The following DLG1 variants were observed in gnomAD, a reference collection of about 807,000 sequenced individuals.
DLG1 encodes the protein discs large MAGUK scaffold protein 1, also known as disks large homolog 1.
DLG1 carries 42 observed loss-of-function variants against 123.4 expected under a neutral mutation model. That is an observed-to-expected ratio of 0.34 (90% CI 0.27 to 0.44). The LOEUF is 0.44. DLG1 is among the 20% of genes least tolerant of loss of function. The pLI, the probability that DLG1 is intolerant of heterozygous loss-of-function variation, is 1.00. For missense variants in DLG1, 942 were observed against 1,082.6 expected, an observed-to-expected ratio of 0.87 and a Z score of 1.82; for synonymous variants, 317 against 356.2, an observed-to-expected ratio of 0.89 and a Z score of 1.24.
At chr3:197,215,198 G>T (rs990392339) in intron 4 of DLG1, among the ~76,000 whole-genome samples, 1 of 152,106 alleles carries the variant, frequency 6.6e-6, no homozygotes, top group Non-Finnish European at 1.5e-5. Flanking sequence ...ATGCGTAATG[G>T]CACAGGGTTA....
intron 5 of DLG1, among the ~76,000 whole-genome samples, chr3:197,191,354 T>A (rs1394201558): frequency 6.6e-6 from 1 of 152,202 alleles, no homozygotes; most frequent in Non-Finnish European, 1.5e-5. Context: ...CTGCTTAGAA[T>A]GAGCATTTTA....
At chr3:197,282,025 A>G (rs924944253) in intron 4 of DLG1, among the ~76,000 whole-genome samples, 2 of 152,224 alleles carry the variant, frequency 1.3e-5, no homozygotes, top group African/African-American at 4.8e-5. Context: ...AAATTCAGAC[A>G]AATAACCACT....
At chr3:197,259,762 T>C (rs1758530133) in intron 4 of DLG1, among the ~76,000 whole-genome samples, 1 of 152,138 alleles carries the variant, frequency 6.6e-6, no homozygotes, top group Non-Finnish European at 1.5e-5. Flanking sequence ...GGAGTGCTTG[T>C]ACAAGTCTAA....
intron 4 of DLG1, among the ~76,000 whole-genome samples, chr3:197,244,384 G>A (rs758710845): frequency 6.6e-6 from 1 of 152,178 alleles, no homozygotes; most frequent in Non-Finnish European, 1.5e-5. Flanking sequence ...GTGCGCACAA[G>A]CATAGCAATC....
chr3:197,046,054 G>C (rs753065756), intron 24 of DLG1, among the ~76,000 whole-genome samples: 6 of 152,212 alleles, frequency 3.9e-5, no homozygotes, highest in Non-Finnish European at 8.8e-5. Context: ...TCAGTTTTGT[G>C]AGACTTCTAC....
rs1160984621 is a variant in DLG1 at position 197,145,923 on chromosome 3, G to A, written c.538-3155C>T. 2.6e-5 allele frequency among the ~76,000 whole-genome samples: 4 copies of A among 152,112 alleles called. No individual in the cohort carries two copies. In the East Asian group the frequency reaches 7.7e-4, roughly 29 times the overall value. The stretch of plus-strand genomic sequence containing the variant: ...GAGAAGCACTTGAACCCAGGAGGCG[G>A]AGGTTGCAGTGAGCTGAGATTGTGC... On this transcript the variant is annotated intron_variant, in intron 6 of 24. Coordinates refer to ENST00000667157, the MANE Select transcript of DLG1 (RefSeq NM_001366207.1).
At chr3:197,283,226 C>A (rs2151160367) in intron 3 of DLG1, among the ~76,000 whole-genome samples, 1 of 152,256 alleles carries the variant, frequency 6.6e-6, no homozygotes, top group East Asian at 1.9e-4. Context: ...ACAGAATAGG[C>A]TCCTAACAGA....
chr3:197,222,995 G>A (rs1342755640), intron 4 of DLG1, among the ~76,000 whole-genome samples: 1 of 152,070 alleles, frequency 6.6e-6, no homozygotes, highest in African/African-American at 2.4e-5. Flanking sequence ...GGGACCTTAG[G>A]CTCCGGCCTC....
At chr3:197,102,527 C>T (rs1579218854) in intron 14 of DLG1, among the ~76,000 whole-genome samples, 2 of 152,310 alleles carry the variant, frequency 1.3e-5, no homozygotes, top group East Asian at 3.9e-4. Flanking sequence ...TGTTACTAAG[C>T]TTTGATGCTT....
chr3:197,065,561 C>A, intron 21 of DLG1, 113 bp from the exon 22 acceptor site: 1 of 1,076,814 alleles, frequency 9.3e-7, no homozygotes, highest in Non-Finnish European at 1.3e-6. Context: ...TAATTTAAAT[C>A]TGAGAAAGGA....
intron 3 of DLG1, among the ~76,000 whole-genome samples, chr3:197,295,704 T>C (rs1319728423): frequency 1.3e-5 from 2 of 152,220 alleles, no homozygotes; most frequent in Non-Finnish European, 2.9e-5. Context: ...ATTCTACAGC[T>C]AATATGGTGG....
At position 197,111,749 on chromosome 3, in the gene DLG1, G is replaced by A. The variant is rs946415404; in HGVS notation, c.1443+4178C>T. On this transcript the variant is annotated intron_variant, in intron 13 of 24. Transcript: ENST00000667157. Reference sequence around the variant, plus strand: ...ACAGCACCACAAGTTAGTGTCACCTGCTCTTGATTATCATGTAACTGGAAT... The same window carrying A: ...ACAGCACCACAAGTTAGTGTCACCTACTCTTGATTATCATGTAACTGGAAT... Among the ~76,000 whole-genome samples, 9 of 152,112 alleles carry A rather than the reference G, an allele frequency of 5.9e-5. No individual in the cohort carries two copies. The East Asian group carries it at 1.7e-3, about 29-fold the overall frequency.
chr3:197,189,313 GTTTAAAGTT>G (rs1717918754), intron 5 of DLG1, among the ~76,000 whole-genome samples: 1 of 152,112 alleles, frequency 6.6e-6, no homozygotes, highest in Non-Finnish European at 1.5e-5. Flanking sequence ...TATGTATCAA[GTTTAAAGTT>G]TTTAAAGTTT....
rs1010349869 is a variant in DLG1, at chr3:197,044,460, T to C, written c.*163A>G. The C allele has an allele frequency of 2.1e-6, 1 of 474,298 alleles. No homozygotes were observed. Among genetic ancestry groups the C allele is most frequent in the African/African-American group, 2.0e-5 (1 of 50,216 alleles). 29.4% of individuals were successfully genotyped at this position (474,298 alleles called of 1,614,324 possible). On this transcript the variant is annotated 3_prime_UTR_variant, in exon 25 of 25. Transcript: ENST00000667157. ...GTGACATTAAATAATACACACGATG[T>C]AACTTGAAGGAGACACTACATGTGA...
chr3:197,264,129 C>T (rs1296878999), intron 4 of DLG1, among the ~76,000 whole-genome samples: 2 of 147,116 alleles, frequency 1.4e-5, no homozygotes, highest in Non-Finnish European at 3.0e-5. Context: ...TTTCAAAGAA[C>T]AAATTTTAGT....
chr3:197,201,739 G>A (rs79207663), intron 4 of DLG1, among the ~76,000 whole-genome samples: 2,379 of 151,922 alleles, frequency 0.016, 32 homozygotes, highest in Non-Finnish European at 0.027. Context: ...AAATGACCAC[G>A]TTGCCCAAAG....
At chr3:197,218,142 G>T (rs1735013916) in intron 4 of DLG1, among the ~76,000 whole-genome samples, 1 of 152,076 alleles carries the variant, frequency 6.6e-6, no homozygotes, top group Non-Finnish European at 1.5e-5. Context: ...AGATACTGTG[G>T]GTTAAGTAAC....
At chr3:197,115,606 C>T (rs1193807170) in intron 13 of DLG1, among the ~76,000 whole-genome samples, 3 of 152,020 alleles carry the variant, frequency 2.0e-5, no homozygotes, top group African/African-American at 7.2e-5. Context: ...CTCAATAGAT[C>T]AAGAAGGTAA....
intron 4 of DLG1, among the ~76,000 whole-genome samples, chr3:197,264,249 T>TCC (rs1760759558): frequency 6.6e-6 from 1 of 152,192 alleles, no homozygotes; most frequent in Non-Finnish European, 1.5e-5. Flanking sequence ...TTTAAGTTGT[T>TCC]TGAGATATGG....
Sources: gnomAD v4.1 joint callset for allele counts (sites outside exome capture counted in the v4.1 genomes callset) on GRCh38, gnomAD v4.1.1 for gene constraint, MANE v1.5 for transcripts, NCBI Gene and HGNC (gene_info 2026-07-23, HGNC 2026-07-21) for gene names.